The following RPS6KA2 variants were observed in gnomAD, a reference collection of about 807,000 sequenced individuals.
RPS6KA2 encodes ribosomal protein S6 kinase A2, also known as ribosomal protein S6 kinase alpha-2.
RPS6KA2 carries 42 observed loss-of-function variants against 91.8 expected under a neutral mutation model. The ratio of observed to expected loss-of-function variants is 0.46; its 90% CI spans 0.36 to 0.59. The LOEUF (loss-of-function observed/expected upper bound fraction) is 0.59, where lower values mean the gene tolerates loss of function less well. Among genes scored for constraint, RPS6KA2 ranks in the 20% least tolerant of loss-of-function variants. The pLI, the probability that RPS6KA2 is intolerant of heterozygous loss-of-function variation, is 0.00. For synonymous variants in RPS6KA2, 414 were observed against 393.6 expected, an observed-to-expected ratio of 1.05 and a Z score of -0.61; for missense variants, 798 against 978.5, an observed-to-expected ratio of 0.82 and a Z score of 2.46.
intron 1 of RPS6KA2, among the ~76,000 whole-genome samples, chr6:166,595,453 G>A (rs1028691541): frequency 6.6e-6 from 1 of 152,208 alleles, no homozygotes; most frequent in Admixed American, 6.5e-5. Context: ...GCTGCCCAGG[G>A]AAGCGGTTGT....
chr6:166,751,786 C>T (rs1293295914), intron 2 of RPS6KA2, among the ~76,000 whole-genome samples: 2 of 152,254 alleles, frequency 1.3e-5, no homozygotes, highest in African/African-American at 4.8e-5. Flanking sequence ...AACAGTGGCA[C>T]AGACTCTAGG....
chr6:166,862,485 G>T (rs1583188623), exon 1 of RPS6KA2: 1 of 788,544 alleles, frequency 1.3e-6, no homozygotes, highest in Non-Finnish European at 1.8e-6. Flanking sequence ...GGAGGGGACG[G>T]CGCTGCGGCT....
chr6:166,687,250 C>T (rs1207406598), intron 2 of RPS6KA2, among the ~76,000 whole-genome samples: 7 of 152,202 alleles, frequency 4.6e-5, no homozygotes, highest in Admixed American at 6.5e-5. Flanking sequence ...TGCCTCGCTT[C>T]GTTGACCCTG....
chr6:166,666,907 T>G lies in RPS6KA2; in HGVS notation c.124-128123A>C, dbSNP rs1268381431. Among the ~76,000 whole-genome samples, 3 of 152,096 alleles carry G rather than the reference T, an allele frequency of 2.0e-5. No individual in the cohort carries two copies. The highest frequency in any genetic ancestry group is 4.4e-5 in the Non-Finnish European group (3 of 68,014). ...TGGATGGATGGGTAGCAGAGTGCGG[T>G]GTAGGCACACAATGGAAGGAAATGA... On this transcript the variant is annotated intron_variant, in intron 2 of 21. Coordinates refer to the RPS6KA2 transcript ENST00000503859. This position sits in a 1 kb window ranked among gnomAD's most constrained non-coding sequence, Gnocchi z 4.0.
intron 11 of RPS6KA2, chr6:166,460,742 C>T (rs958192128): frequency 6.6e-6 from 1 of 152,260 alleles, no homozygotes; most frequent in Non-Finnish European, 1.5e-5. Context: ...CCACGGTGTT[C>T]GCAGAAAACA....
At chr6:166,650,653 G>T (rs1787827992) in intron 2 of RPS6KA2, among the ~76,000 whole-genome samples, 1 of 152,220 alleles carries the variant, frequency 6.6e-6, no homozygotes, top group South Asian at 2.1e-4. Context: ...TTGTATGTGA[G>T]GGTGAACTGA....
intron 2 of RPS6KA2, among the ~76,000 whole-genome samples, chr6:166,818,135 C>T (rs187588088): frequency 1.3e-3 from 202 of 151,750 alleles, no homozygotes; most frequent in African/African-American, 4.7e-3. Context: ...TATTGTTGTG[C>T]TCAAAAATAT....
chr6:166,416,565 AAATGATCACCTCCAC>A (rs1778534723), intron 19 of RPS6KA2, among the ~76,000 whole-genome samples: 1 of 149,258 alleles, frequency 6.7e-6, no homozygotes, highest in African/African-American at 2.5e-5. Flanking sequence ...ATCACCTCCA[AAATGATCACCTCCAC>A]GATCACTCCC....
intron 2 of RPS6KA2, among the ~76,000 whole-genome samples, chr6:166,753,683 T>G (rs2128599915): frequency 6.6e-6 from 1 of 152,350 alleles, no homozygotes; most frequent in Admixed American, 6.5e-5. Context: ...TGACTGTTAT[T>G]TAGATTGTGT....
rs1366077760 is a variant in RPS6KA2 at position 166,413,867 on chromosome 6, T to C, written c.2003A>G (p.Lys668Arg). The C allele has an allele frequency of 2.5e-6, 4 of 1,614,164 alleles. No homozygotes were observed. The highest frequency in any genetic ancestry group is 3.4e-6 in the Non-Finnish European group (4 of 1,180,000). Reference sequence around the variant, plus strand: ...CTCTCTGTTGACCACCCACGGGTGTTTGAGCACTTGCATCGCCGTCAGGCG... The same window carrying C: ...CTCTCTGTTGACCACCCACGGGTGTCTGAGCACTTGCATCGCCGTCAGGCG... ...HQRLTAMQVL[K>R]HPWVVNREYL... is the part of the protein sequence containing the mutation. Residue 668 changes from lysine to arginine, a missense_variant, in exon 20 of 21, where the codon AAA (lysine) becomes AGA (arginine). Coordinates refer to ENST00000265678, the MANE Select transcript of RPS6KA2 (RefSeq NM_021135.6).
chr6:166,694,153 C>T (rs1789293027), intron 2 of RPS6KA2, among the ~76,000 whole-genome samples: 1 of 152,218 alleles, frequency 6.6e-6, no homozygotes, highest in African/African-American at 2.4e-5. Flanking sequence ...CTCTCTGCCT[C>T]CCACACACGG....
At chr6:166,505,790 G>A (rs919985602) in intron 5 of RPS6KA2, among the ~76,000 whole-genome samples, 5 of 152,186 alleles carry the variant, frequency 3.3e-5, no homozygotes, top group Admixed American at 6.5e-5. Context: ...CTTGGCCAGC[G>A]CCTTTCCCGG....
At chr6:166,550,901 T>G (rs1388436063) in intron 1 of RPS6KA2, among the ~76,000 whole-genome samples, 3 of 149,090 alleles carry the variant, frequency 2.0e-5, no homozygotes, top group Non-Finnish European at 4.4e-5. Context: ...CTCGGGAGGC[T>G]GAGGCAGCGG....
At chr6:166,539,705 C>T (rs1470459994) in intron 1 of RPS6KA2, among the ~76,000 whole-genome samples, 1 of 152,212 alleles carries the variant, frequency 6.6e-6, no homozygotes, top group East Asian at 1.9e-4. Context: ...CCCAGAGCTT[C>T]CTGTCCCCAG....
At chr6:166,818,631 G>A (rs893938697) in intron 2 of RPS6KA2, among the ~76,000 whole-genome samples, 20 of 152,112 alleles carry the variant, frequency 1.3e-4, no homozygotes, top group African/African-American at 4.3e-4. Context: ...TTCAGAGACC[G>A]TTGCCTGTGC....
chr6:166,504,705 T>G, intron 5 of RPS6KA2, 93 bp from the exon 6 acceptor site: 1 of 857,384 alleles, frequency 1.2e-6, no homozygotes, highest in Non-Finnish European at 1.8e-6. Flanking sequence ...AGACTGAGAG[T>G]CCACACTGGG....
chr6:166,767,272 G>A lies in RPS6KA2; in HGVS notation c.123+90928C>T, dbSNP rs571609193. Among the ~76,000 whole-genome samples, 5 of 152,250 alleles carry A rather than the reference G, an allele frequency of 3.3e-5. No homozygotes were observed. Among genetic ancestry groups the A allele is most frequent in the South Asian group, 2.1e-4 (1 of 4,826 alleles). On this transcript the variant is annotated intron_variant, in intron 2 of 21. Coordinates refer to the RPS6KA2 transcript ENST00000503859. The surrounding 1 kb of genome is among the most constrained non-coding windows in gnomAD (Gnocchi z 4.6). ...AAAGCAAAATACAACTGCGACTACCGTCTCACACGCTTCAGCTTGCAAGGC... is the reference window on the plus strand; with the variant it reads ...AAAGCAAAATACAACTGCGACTACCATCTCACACGCTTCAGCTTGCAAGGC...
intron 3 of RPS6KA2, among the ~76,000 whole-genome samples, chr6:166,521,789 T>C (rs1441546392): frequency 6.6e-6 from 1 of 152,234 alleles, no homozygotes; most frequent in African/African-American, 2.4e-5. Flanking sequence ...GTGGGAAAGA[T>C]ATGAATTTTA....
chr6:166,861,503 T>C (rs1489227794), intron 1 of RPS6KA2, among the ~76,000 whole-genome samples: 1 of 152,222 alleles, frequency 6.6e-6, no homozygotes, highest in Non-Finnish European at 1.5e-5. Flanking sequence ...AGTGAAAAAC[T>C]CTCAGCAGTG....
Sources: gnomAD v4.1 joint callset for allele counts (sites outside exome capture counted in the v4.1 genomes callset) on GRCh38, gnomAD v4.1.1 for gene constraint, Gnocchi (gnomAD v3.1) non-coding constraint, MANE v1.5 for transcripts, NCBI Gene and HGNC (gene_info 2026-07-23, HGNC 2026-07-21) for gene names.